GPHN: variants seen among roughly 807,000 people sequenced by gnomAD.
GPHN encodes the protein gephyrin.
Under a neutral mutation model 95.5 loss-of-function variants are expected in GPHN, and 17 were observed. That is an observed-to-expected ratio of 0.18 (90% CI 0.12 to 0.27). GPHN has a LOEUF of 0.27. GPHN is among the 10% of genes least tolerant of loss of function. GPHN has a pLI of 1.00. For synonymous variants in GPHN, 320 were observed against 322.5 expected, an observed-to-expected ratio of 0.99 and a Z score of 0.08; for missense variants, 660 against 978.1, an observed-to-expected ratio of 0.67 and a Z score of 4.34.
the GPHN span, chr14:67,662,596 T>G: frequency 2.1e-6 from 3 of 1,427,182 alleles, no homozygotes; most frequent in Non-Finnish European, 1.9e-6. Flanking sequence ...GTAAAGGCCA[T>G]TCCCTCTGCT....
intron 4 of GPHN, among the ~76,000 whole-genome samples, chr14:66,832,674 T>C (rs2061625431): frequency 6.6e-6 from 1 of 152,140 alleles, no homozygotes; most frequent in South Asian, 2.1e-4. Flanking sequence ...GTAACAAATA[T>C]TTATGAAGCA....
the GPHN span, among the ~76,000 whole-genome samples, chr14:67,233,313 T>A: frequency 6.6e-6 from 1 of 152,096 alleles, no homozygotes; most frequent in Non-Finnish European, 1.5e-5. Context: ...GGCTAAATTT[T>A]GTATTTTTTG....
chr14:67,473,419 C>T, the GPHN span: 1 of 1,612,836 alleles, frequency 6.2e-7, no homozygotes, highest in Non-Finnish European at 8.5e-7. This position sits in a 1 kb window ranked among gnomAD's most constrained non-coding sequence, Gnocchi z 6.5. Flanking sequence ...CCGCTTCCTG[C>T]TCAGTCAGTC....
intron 3 of GPHN, among the ~76,000 whole-genome samples, chr14:66,795,490 C>A (rs1182973182): frequency 6.6e-6 from 1 of 151,778 alleles, no homozygotes; most frequent in Non-Finnish European, 1.5e-5. Flanking sequence ...ACTTCCTTAC[C>A]TTATTTTAGA....
At chr14:67,189,390 C>G in the GPHN span, 1 of 152,242 alleles carries the variant, frequency 6.6e-6, no homozygotes, top group African/African-American at 2.4e-5. Context: ...GCAGCAGCAA[C>G]AGAACAATGC....
At chr14:67,677,822 T>G in the GPHN span, 1 of 153,070 alleles carries the variant, frequency 6.5e-6, no homozygotes, top group South Asian at 2.0e-4. Context: ...GCCAGGCTGG[T>G]CTTGAACTAC....
chr14:67,288,829 C>T, the GPHN span, among the ~76,000 whole-genome samples: 1 of 152,044 alleles, frequency 6.6e-6, no homozygotes, highest in Non-Finnish European at 1.5e-5. Context: ...GCCACAGCTT[C>T]TTAGGTCATT....
the GPHN span, chr14:67,292,746 G>A: frequency 1.3e-6 from 2 of 1,554,570 alleles, no homozygotes; most frequent in Middle Eastern, 1.7e-4. Flanking sequence ...TCTTGTTGAT[G>A]TCTACAAGGT....
At chr14:67,434,126 A>G in the GPHN span, among the ~76,000 whole-genome samples, 2 of 152,242 alleles carry the variant, frequency 1.3e-5, no homozygotes, top group African/African-American at 4.8e-5. Context: ...CTCCTTTTTG[A>G]TAAGTACTCA....
the GPHN span, chr14:67,359,655 T>C: frequency 1.1e-5 from 18 of 1,613,928 alleles, no homozygotes; most frequent in Middle Eastern, 1.7e-4. Context: ...TTCCTTTACT[T>C]ACATTCGCGA....
At chr14:67,511,127 G>A in the GPHN span, among the ~76,000 whole-genome samples, 1 of 152,100 alleles carries the variant, frequency 6.6e-6, no homozygotes, top group Non-Finnish European at 1.5e-5. Flanking sequence ...ATGTGACAGG[G>A]GTGCCTCTTA....
chr14:66,841,022 GA>G (rs1567006782), intron 4 of GPHN, among the ~76,000 whole-genome samples: 8 of 142,420 alleles, frequency 5.6e-5, no homozygotes, highest in Non-Finnish European at 1.1e-4. Flanking sequence ...TATAGATATA[GA>G]TATAGATATA....
At chr14:66,965,113 CTAAA>C in intron 8 of GPHN, 74 bp from the exon 9 acceptor site, 1 of 1,260,632 alleles carries the variant, frequency 7.9e-7, no homozygotes, top group South Asian at 1.2e-5. Flanking sequence ...GCAAAGAATG[CTAAA>C]ACAAAGGGGG....
At chr14:66,973,641 C>T (rs1467686342) in intron 9 of GPHN, among the ~76,000 whole-genome samples, 2 of 152,090 alleles carry the variant, frequency 1.3e-5, no homozygotes, top group Non-Finnish European at 2.9e-5. Flanking sequence ...CGCCTGTAAT[C>T]CCAGCTACTC....
intron 1 of GPHN, among the ~76,000 whole-genome samples, chr14:66,558,865 C>A (rs1324402695): frequency 6.6e-6 from 1 of 151,686 alleles, no homozygotes; most frequent in Non-Finnish European, 1.5e-5. Context: ...TTAGGTGTAT[C>A]TCCTAATGCT....
the GPHN span, among the ~76,000 whole-genome samples, chr14:67,190,005 T>TAA: frequency 6.7e-6 from 1 of 149,744 alleles, no homozygotes; most frequent in Non-Finnish European, 1.5e-5. Flanking sequence ...CACGCCCAGC[T>TAA]AATTTTGTAT....
At chr14:67,319,495 GTT>G in the GPHN span, among the ~76,000 whole-genome samples, 1 of 151,836 alleles carries the variant, frequency 6.6e-6, no homozygotes, top group South Asian at 2.1e-4. Flanking sequence ...CTGTTTTCAA[GTT>G]ATACAACTAC....
At chr14:66,543,474 G>C (rs7141220) in intron 1 of GPHN, among the ~76,000 whole-genome samples, 51,627 of 151,922 alleles carry the variant, frequency 0.34, 13,176 homozygotes, top group African/African-American at 0.7. Flanking sequence ...TAAATACCAA[G>C]TATGTGCTTA....
At chr14:67,389,700 T>G in the GPHN span, among the ~76,000 whole-genome samples, 1 of 152,078 alleles carries the variant, frequency 6.6e-6, no homozygotes, top group African/African-American at 2.4e-5. Context: ...GACAGCAGAC[T>G]CATCAGGGGC....
Sources: allele counts gnomAD v4.1 joint callset (sites outside exome capture counted in the v4.1 genomes callset), GRCh38; gene constraint gnomAD v4.1.1; non-coding constraint Gnocchi (gnomAD v3.1); transcripts MANE v1.5; gene names NCBI Gene and HGNC (gene_info 2026-07-23, HGNC 2026-07-21).